The following PPARGC1A variants were observed in gnomAD, a reference collection of about 807,000 sequenced individuals.
The protein encoded by PPARGC1A is peroxisome proliferator-activated receptor gamma coactivator 1-alpha.
In PPARGC1A, 25 loss-of-function variants were observed where a neutral mutation model predicts 88.7. That is an observed-to-expected ratio of 0.28 (90% CI 0.21 to 0.39). PPARGC1A has a LOEUF of 0.39. Among genes scored for constraint, PPARGC1A ranks in the 10% least tolerant of loss-of-function variants. The pLI, the probability that PPARGC1A is intolerant of heterozygous loss-of-function variation, is 1.00. For missense variants in PPARGC1A, 880 were observed against 968.7 expected (o/e 0.91, Z 1.22); for synonymous variants, 363 against 355.6 (o/e 1.02, Z -0.24).
At chr4:24,229,617 G>T in the PPARGC1A span, among the ~76,000 whole-genome samples, 1 of 151,404 alleles carries the variant, frequency 6.6e-6, no homozygotes, top group African/African-American at 2.4e-5. Flanking sequence ...TGGATCACTT[G>T]AGGTCAGGAG....
chr4:23,933,220 T>C, the PPARGC1A span, among the ~76,000 whole-genome samples: 1 of 152,208 alleles, frequency 6.6e-6, no homozygotes, highest in South Asian at 2.1e-4. Context: ...AGTCTACCTC[T>C]TTCCTTTGTT....
chr4:23,872,868 A>G (rs1283145893), intron 2 of PPARGC1A, among the ~76,000 whole-genome samples: 1 of 152,190 alleles, frequency 6.6e-6, no homozygotes, highest in Non-Finnish European at 1.5e-5. Flanking sequence ...TTGGAAACTG[A>G]GAGCTTTAGC....
At chr4:23,800,188 C>T (rs998555622) in intron 12 of PPARGC1A, among the ~76,000 whole-genome samples, 15 of 152,016 alleles carry the variant, frequency 9.9e-5, no homozygotes, top group African/African-American at 3.6e-4. Context: ...AGAGAAAGTG[C>T]ATATAGATAT....
At chr4:24,048,375 T>A in the PPARGC1A span, among the ~76,000 whole-genome samples, 12 of 152,190 alleles carry the variant, frequency 7.9e-5, no homozygotes, top group African/African-American at 2.9e-4. Flanking sequence ...CCTCCGCAGC[T>A]CCACTCTTTT....
chr4:24,364,584 A>T, the PPARGC1A span, among the ~76,000 whole-genome samples: 76 of 152,356 alleles, frequency 5.0e-4, no homozygotes, highest in African/African-American at 1.7e-3. Context: ...AAGAATAATA[A>T]GAAAAAAAGA....
chr4:24,354,897 C>CAAAG, the PPARGC1A span, among the ~76,000 whole-genome samples: 3 of 151,562 alleles, frequency 2.0e-5, no homozygotes, highest in African/African-American at 7.3e-5. Flanking sequence ...AAAACAAAAA[C>CAAAG]AAACAAACAA....
At chr4:23,849,883 G>A (rs574539844) in intron 2 of PPARGC1A, among the ~76,000 whole-genome samples, 1 of 150,456 alleles carries the variant, frequency 6.6e-6, no homozygotes, top group Non-Finnish European at 1.5e-5. Context: ...CACTGCTCCT[G>A]TCCTCATGAT....
chr4:23,946,288 G>A, the PPARGC1A span, among the ~76,000 whole-genome samples: 3 of 152,214 alleles, frequency 2.0e-5, no homozygotes, highest in Admixed American at 1.3e-4. Context: ...ATATCTCTTC[G>A]TCAGGCCCAG....
the PPARGC1A span, among the ~76,000 whole-genome samples, chr4:24,245,925 G>GTGCACACA: frequency 6.7e-6 from 1 of 148,384 alleles, no homozygotes; most frequent in African/African-American, 2.5e-5. Context: ...AAAGCCATGT[G>GTGCACACA]CACACACACA....
intron 1 of PPARGC1A, among the ~76,000 whole-genome samples, chr4:23,898,623 TA>T (rs1381097959): frequency 6.6e-6 from 1 of 152,140 alleles, no homozygotes; most frequent in Non-Finnish European, 1.5e-5. Context: ...GAAGAAGCAA[TA>T]AGAAAACTAA....
At chr4:24,006,329 A>G in the PPARGC1A span, among the ~76,000 whole-genome samples, 6 of 152,188 alleles carry the variant, frequency 3.9e-5, no homozygotes, top group African/African-American at 9.6e-5. Flanking sequence ...AATTACTGGC[A>G]TGAGGCACTG....
At chr4:23,873,733 C>G (rs973490668) in intron 2 of PPARGC1A, among the ~76,000 whole-genome samples, 1 of 151,972 alleles carries the variant, frequency 6.6e-6, no homozygotes, top group Non-Finnish European at 1.5e-5. Flanking sequence ...AACAAGAAAG[C>G]TTGCCAGAGT....
At chr4:24,064,240 T>C in the PPARGC1A span, among the ~76,000 whole-genome samples, 18 of 152,136 alleles carry the variant, frequency 1.2e-4, no homozygotes, top group Admixed American at 3.9e-4. Context: ...TCAATGGTAA[T>C]AACGAAGAGG....
chr4:24,013,114 T>A, the PPARGC1A span, among the ~76,000 whole-genome samples: 2 of 152,154 alleles, frequency 1.3e-5, no homozygotes, highest in South Asian at 4.1e-4. Context: ...ACGGGCAAAA[T>A]GGTTAGATGC....
intron 2 of PPARGC1A, among the ~76,000 whole-genome samples, chr4:23,859,305 C>A (rs1415259557): frequency 6.6e-6 from 1 of 152,200 alleles, no homozygotes; most frequent in Admixed American, 6.5e-5. Context: ...GAGCCACTAG[C>A]GAGCCATGTC....
chr4:24,388,512 C>T, the PPARGC1A span, among the ~76,000 whole-genome samples: 6 of 152,294 alleles, frequency 3.9e-5, no homozygotes, highest in South Asian at 1.2e-3. Flanking sequence ...TATAAAGACA[C>T]ATGCACATGT....
the PPARGC1A span, among the ~76,000 whole-genome samples, chr4:24,274,099 T>C: frequency 2.0e-5 from 3 of 152,110 alleles, no homozygotes; most frequent in Non-Finnish European, 2.9e-5. Context: ...AAAAGTTCCA[T>C]ACATTTGGAA....
chr4:24,136,551 A>T, the PPARGC1A span, among the ~76,000 whole-genome samples: 1 of 152,290 alleles, frequency 6.6e-6, no homozygotes, highest in African/African-American at 2.4e-5. Flanking sequence ...CATCCTCAGG[A>T]GAGGGGTCGC....
the PPARGC1A span, among the ~76,000 whole-genome samples, chr4:24,152,603 T>C: frequency 3.3e-5 from 5 of 152,320 alleles, no homozygotes; most frequent in African/African-American, 1.2e-4. Flanking sequence ...TTTGAATAGT[T>C]TGCCGCTTAT....
Sources: allele counts gnomAD v4.1 joint callset (sites outside exome capture counted in the v4.1 genomes callset), GRCh38; gene constraint gnomAD v4.1.1; transcripts MANE v1.5; gene names NCBI Gene and HGNC (gene_info 2026-07-23, HGNC 2026-07-21).